The following EML6 variants were observed in gnomAD, a reference collection of about 807,000 sequenced individuals.
The protein encoded by EML6 is EMAP like 6.
In EML6, 154 loss-of-function variants were observed where a neutral mutation model predicts 240.1. That is an observed-to-expected ratio of 0.64 (90% CI 0.56 to 0.73). The LOEUF is 0.73. EML6 is among the 30% of genes least tolerant of loss of function. The probability of loss-of-function intolerance (pLI) is 0.00; values close to 1 mark genes in which losing one functional copy is unlikely to be tolerated. For synonymous variants in EML6, 1,148 were observed against 899.0 expected, an observed-to-expected ratio of 1.28 and a Z score of -4.95; for missense variants, 2,964 against 2,474.6, an observed-to-expected ratio of 1.20 and a Z score of -4.20.
At chr2:54,871,693 G>A (rs1427943266) in intron 16 of EML6, 88 bp downstream of exon 16, 4 of 928,326 alleles carry the variant, frequency 4.3e-6, no homozygotes, top group Non-Finnish European at 6.9e-6. Context: ...GCGCACGCGT[G>A]TGTGTGTATT....
rs757317097 is a variant in EML6 at position 54,916,761 on chromosome 2, C to A, written c.3501C>A (p.Ile1167=). The change falls in exon 26 of 42, where the codon ATC becomes ATA. Residue 1167 remains isoleucine, a splice_region_variant and synonymous_variant. Coordinates refer to ENST00000356458, the MANE Select transcript of EML6 (RefSeq NM_001039753.4). ...GKRHIIRPSE[I]EKIEWDTWTC... is the part of the protein sequence containing the mutation. ...CATTCTCTTTCGTTCTTTTTCAGAT[C>A]GAGAAGATAGAGTGGGACACATGGA... The A allele has an allele frequency of 1.3e-6, 2 of 1,485,828 alleles. No individual in the cohort carries two copies. Among genetic ancestry groups the A allele is most frequent in the Non-Finnish European group, 1.8e-6 (2 of 1,103,976 alleles). The allele number at this position is 1,485,828 out of a possible 1,614,324, so 92.0% of individuals were successfully genotyped here.
chr2:54,854,295 T>C (rs140886751), intron 11 of EML6, among the ~76,000 whole-genome samples: 1 of 152,330 alleles, frequency 6.6e-6, no homozygotes, highest in East Asian at 1.9e-4. Flanking sequence ...TTTATGGACC[T>C]CTCGTCATAG....
chr2:54,853,906 T>C (rs1353422264), intron 11 of EML6, 51 bp downstream of exon 11: 1 of 1,214,164 alleles, frequency 8.2e-7, no homozygotes, highest in Non-Finnish European at 1.2e-6. Context: ...CTAAACTGTA[T>C]ACAGTACAAT....
chr2:54,859,670 C>G lies in EML6; in HGVS notation c.1794C>G (p.Val598=). Residue 598 remains valine (V), a synonymous_variant, in exon 12 of 42, where the codon GTC becomes GTG. Transcript: ENST00000356458. ...AGTGGAGGTTTATTCCAGAAGGTGT[C>G]AGCAACGGCATGCTGGAAACTGCAC... ...VFQWRFIPEG[V]SNGMLETAPQ... The G allele has an allele frequency of 6.5e-7, 1 of 1,547,266 alleles. No individual in the cohort carries two copies. The highest frequency in any genetic ancestry group is 1.2e-5 in the South Asian group (1 of 82,616).
chr2:54,876,985 AT>A (rs34591538), intron 16 of EML6, among the ~76,000 whole-genome samples: 11,556 of 145,770 alleles, frequency 0.079, 1,366 homozygotes, highest in African/African-American at 0.27. Flanking sequence ...CCAAAAAAAA[AT>A]TTTTTTTTTT....
At position 54,731,614 on chromosome 2, in the gene EML6, C is replaced by CAA. The variant is rs59545974; in HGVS notation, c.197+6363_197+6364dup. ...CCTGGGTGACAGGGCAAGACCCTGT[C>CAA]AAAAAAAATATATATATATATGACT... On this transcript the variant is annotated intron_variant, in intron 2 of 41. Transcript: ENST00000356458. Among the ~76,000 whole-genome samples, 250 of 148,936 alleles carry CAA rather than the reference C, an allele frequency of 1.7e-3. 1 individual carries two copies. The highest frequency in any genetic ancestry group is 3.1e-3 in the African/African-American group (128 of 40,898).
At chr2:54,791,363 A>G (rs546042799) in intron 2 of EML6, among the ~76,000 whole-genome samples, 2 of 152,342 alleles carry the variant, frequency 1.3e-5, no homozygotes, top group Admixed American at 1.3e-4. Flanking sequence ...TGATTTCAAC[A>G]GTGGTTTGCC....
At chr2:54,882,103 A>G (rs1671845847) in intron 17 of EML6, 2 of 152,230 alleles carry the variant, frequency 1.3e-5, no homozygotes, top group African/African-American at 4.8e-5. Context: ...CACAGAAACT[A>G]GAGAAATTCA....
chr2:54,939,924 C>T lies in EML6; in HGVS notation c.4005-8958C>T, dbSNP rs147657665. ...CTCAGCGGCCCGGCACAAGCAAACA[C>T]GAGGAGGCGGTGCCAGAATTATTCT... On this transcript the variant is annotated intron_variant, in intron 28 of 41. Coordinates refer to ENST00000356458, the MANE Select transcript of EML6 (RefSeq NM_001039753.4). 1.1e-3 allele frequency among the ~76,000 whole-genome samples: 171 copies of T among 152,300 alleles called. 1 individual carries two copies. The highest frequency in any genetic ancestry group is 3.6e-3 in the African/African-American group (148 of 41,556).
chr2:54,734,988 C>T (rs971930064), intron 2 of EML6, among the ~76,000 whole-genome samples: 3 of 152,180 alleles, frequency 2.0e-5, no homozygotes, highest in Non-Finnish European at 2.9e-5. Context: ...TAACATCCTC[C>T]AGCCACATCA....
At chr2:54,841,147 C>G (rs1032021000) in intron 7 of EML6, among the ~76,000 whole-genome samples, 4 of 152,272 alleles carry the variant, frequency 2.6e-5, no homozygotes, top group African/African-American at 7.2e-5. Context: ...GTGTGGTTCT[C>G]TGCAGCTGAG....
At position 54,956,737 on chromosome 2, in the gene EML6, G is replaced by T. The variant is rs531789877; in HGVS notation, c.4487-1053G>T. Among the ~76,000 whole-genome samples, 345 of 152,184 alleles carry T rather than the reference G, an allele frequency of 2.3e-3. 3 individuals are homozygous for T. The highest frequency in any genetic ancestry group is 7.3e-3 in the African/African-American group (305 of 41,504). Reference sequence around the variant, plus strand: ...ACCACCATCATGGTACTAGAAAGCTGTCATAAAAACAAATGCGAAGTGATG... The same window carrying T: ...ACCACCATCATGGTACTAGAAAGCTTTCATAAAAACAAATGCGAAGTGATG... On this transcript the variant is annotated intron_variant, in intron 32 of 41. Coordinates refer to ENST00000356458, the MANE Select transcript of EML6 (RefSeq NM_001039753.4).
intron 28 of EML6, among the ~76,000 whole-genome samples, chr2:54,948,629 G>C (rs1212046892): frequency 6.6e-6 from 1 of 152,196 alleles, no homozygotes; most frequent in Non-Finnish European, 1.5e-5. Flanking sequence ...AGGTTAAGCA[G>C]AGGGAGGAGG....
chr2:54,797,186 A>C (rs961977681), intron 2 of EML6, among the ~76,000 whole-genome samples: 6 of 149,294 alleles, frequency 4.0e-5, no homozygotes, highest in African/African-American at 1.2e-4. Context: ...AAAAAAAAAA[A>C]AAACTGTGAT....
chr2:54,781,034 T>C (rs200976711), intron 2 of EML6, among the ~76,000 whole-genome samples: 1 of 152,352 alleles, frequency 6.6e-6, no homozygotes, highest in East Asian at 1.9e-4. Flanking sequence ...TAAGAGGATA[T>C]ACTACTGAAT....
intron 2 of EML6, among the ~76,000 whole-genome samples, chr2:54,780,194 G>A (rs1668791786): frequency 6.6e-6 from 1 of 152,078 alleles, no homozygotes; most frequent in African/African-American, 2.4e-5. Context: ...ATAACACAAT[G>A]AAATGCCTTT....
At chr2:54,802,618 ATACTACTACTACTACTACTAC>A (rs56119525) in intron 2 of EML6, among the ~76,000 whole-genome samples, 4 of 139,946 alleles carry the variant, frequency 2.9e-5, no homozygotes, top group Admixed American at 7.3e-5. Flanking sequence ...ACCCTGTCTC[ATACTACTACTACTACTACTAC>A]TACTACTACT....
At chr2:54,791,733 C>A (rs768242945) in intron 2 of EML6, among the ~76,000 whole-genome samples, 109 of 152,180 alleles carry the variant, frequency 7.2e-4, no homozygotes, top group Non-Finnish European at 1.4e-3. Flanking sequence ...AAAAATGATA[C>A]TGGAGGTTCA....
intron 30 of EML6, among the ~76,000 whole-genome samples, chr2:54,952,150 C>T (rs1487319820): frequency 6.6e-6 from 1 of 152,180 alleles, no homozygotes; most frequent in Non-Finnish European, 1.5e-5. Flanking sequence ...TCATATTCCA[C>T]ATGAAGAAGT....
Sources: allele counts gnomAD v4.1 joint callset (sites outside exome capture counted in the v4.1 genomes callset), GRCh38; gene constraint gnomAD v4.1.1; transcripts MANE v1.5; gene names NCBI Gene and HGNC (gene_info 2026-07-23, HGNC 2026-07-21).